Variants in FBXO11 observed in about 807,000 individuals in gnomAD.
The protein encoded by FBXO11 is F-box protein 11, also known as F-box only protein 11.
FBXO11 carries 13 observed loss-of-function variants against 117.0 expected under a neutral mutation model. The ratio of observed to expected loss-of-function variants is 0.11; its 90% CI spans 0.07 to 0.18. The LOEUF (loss-of-function observed/expected upper bound fraction) is 0.18. Ranked by LOEUF, FBXO11 falls within the 10% of genes least tolerant of loss-of-function variation. The pLI, the probability that FBXO11 is intolerant of heterozygous loss-of-function variation, is 1.00. For synonymous variants in FBXO11, 490 were observed against 380.5 expected, an observed-to-expected ratio of 1.29 and a Z score of -3.35; for missense variants, 767 against 1,164.4, an observed-to-expected ratio of 0.66 and a Z score of 4.97.
chr2:47,904,262 C>A (rs1191311520), intron 1 of FBXO11, among the ~76,000 whole-genome samples: 1 of 152,126 alleles, frequency 6.6e-6, no homozygotes, highest in Non-Finnish European at 1.5e-5. Context: ...CAAAATGTCT[C>A]CTAACAATTC....
At chr2:47,844,029 C>T (rs1673216464) in intron 1 of FBXO11, among the ~76,000 whole-genome samples, 1 of 152,232 alleles carries the variant, frequency 6.6e-6, no homozygotes, top group African/African-American at 2.4e-5. Context: ...GCATGAGCCA[C>T]TGTGCCTGGC....
Position 47,809,634 on chromosome 2 carries a change from T to C in FBXO11, c.2412A>G (p.Leu804=). 1 of 1,613,524 alleles carries C rather than the reference T, an allele frequency of 6.2e-7. No homozygotes were observed. The highest frequency in any genetic ancestry group is 8.5e-7 in the Non-Finnish European group (1 of 1,179,764). ...TCACATTAACACCAGATGCTAAAAA[T>C]AAGCCTCCAAACCGGTTGTTAAAAA... The part of the protein sequence containing the change: ...NQIFNNRFGG[L]FLASGVNVTM... Residue 804 remains leucine, a synonymous_variant, in exon 20 of 23, where the codon TTA becomes TTG. Transcript: ENST00000403359.
At chr2:47,899,330 G>A (rs534916608) in intron 1 of FBXO11, among the ~76,000 whole-genome samples, 76 of 151,374 alleles carry the variant, frequency 5.0e-4, no homozygotes, top group South Asian at 2.7e-3. Context: ...GTTTCTCTGA[G>A]GTTGTAACAA....
chr2:47,850,099 T>C (rs371664789), intron 1 of FBXO11, among the ~76,000 whole-genome samples: 1 of 151,996 alleles, frequency 6.6e-6, no homozygotes, highest in African/African-American at 2.4e-5. Context: ...GTAATAAATA[T>C]GGAAGAAATG....
chr2:47,808,303 A>G (rs377031393), intron 22 of FBXO11, 26 bp downstream of exon 22: 3 of 1,612,472 alleles, frequency 1.9e-6, no homozygotes, highest in Non-Finnish European at 2.5e-6. Flanking sequence ...TAATTGGGTA[A>G]TATATCAAGC....
rs368269887 is a variant in FBXO11, at chr2:47,836,027, T to C, written c.588-26A>G. On this transcript the variant is annotated intron_variant, in intron 4 of 22. Transcript: ENST00000403359. ...CTGAACAGAGAAAGGAATTAAAATT[T>C]TCTTGATAAAATGTCCTTTAGATTA... 76 of 1,533,250 alleles carry C rather than the reference T, an allele frequency of 5.0e-5. No homozygotes were observed. The African/African-American group carries it at 7.8e-4, about 16-fold the overall frequency. The allele number at this position is 1,533,250 out of a possible 1,614,324, so 95.0% of individuals were successfully genotyped here. A position where few individuals can be genotyped will look rare whatever the true frequency, so the allele number is the denominator to read the frequency against.
intron 11 of FBXO11, among the ~76,000 whole-genome samples, chr2:47,832,133 T>C (rs1027757726): frequency 1.3e-5 from 2 of 152,166 alleles, no homozygotes; most frequent in African/African-American, 4.8e-5. Flanking sequence ...ATCACATATA[T>C]TGCCTAAGAA....
intron 18 of FBXO11, among the ~76,000 whole-genome samples, chr2:47,812,445 C>G (rs1168158655): frequency 6.6e-6 from 1 of 152,200 alleles, no homozygotes; most frequent in Non-Finnish European, 1.5e-5. Context: ...CAACACCTTG[C>G]AAATAAACCA....
intron 1 of FBXO11, among the ~76,000 whole-genome samples, chr2:47,892,858 T>C (rs970139074): frequency 1.3e-5 from 2 of 150,446 alleles, no homozygotes; most frequent in East Asian, 3.9e-4. Context: ...TATCTAGGCG[T>C]TTTTTTTTAA....
intron 1 of FBXO11, among the ~76,000 whole-genome samples, chr2:47,862,952 G>C (rs980816592): frequency 1.3e-5 from 2 of 151,666 alleles, no homozygotes; most frequent in African/African-American, 4.8e-5. Flanking sequence ...CTACTTGGGA[G>C]GCTAAGGCAG....
At chr2:47,834,386 G>T (rs192655570) in intron 7 of FBXO11, among the ~76,000 whole-genome samples, 193 bp downstream of exon 7, 47 of 152,034 alleles carry the variant, frequency 3.1e-4, no homozygotes, top group African/African-American at 1.1e-3. Flanking sequence ...CGGGGAGAAA[G>T]AATTTATATA....
At chr2:47,903,220 TTAA>T (rs1678432064) in intron 1 of FBXO11, among the ~76,000 whole-genome samples, 2 of 152,218 alleles carry the variant, frequency 1.3e-5, no homozygotes, top group African/African-American at 4.8e-5. Context: ...CGAATTCATC[TTAA>T]TGTTTTATTC....
chr2:47,835,540 C>A (rs1672490308), intron 5 of FBXO11, among the ~76,000 whole-genome samples: 1 of 152,114 alleles, frequency 6.6e-6, no homozygotes, highest in South Asian at 2.1e-4. Context: ...ACTCTGTCGC[C>A]CAGGCTGGAG....
At chr2:47,850,762 A>T (rs1179701154) in intron 1 of FBXO11, among the ~76,000 whole-genome samples, 1 of 152,214 alleles carries the variant, frequency 6.6e-6, no homozygotes, top group East Asian at 1.9e-4. Context: ...AGAATAGCTT[A>T]AATTTTAATT....
intron 1 of FBXO11, among the ~76,000 whole-genome samples, chr2:47,843,245 A>C (rs1377238916): frequency 6.6e-6 from 1 of 152,216 alleles, no homozygotes; most frequent in Non-Finnish European, 1.5e-5. Flanking sequence ...TGTGTGCTTG[A>C]AAGGAACATC....
At chr2:47,835,734 G>A (rs184691462) in intron 5 of FBXO11, 138 bp downstream of exon 5, 105 of 494,548 alleles carry the variant, frequency 2.1e-4, no homozygotes, top group African/African-American at 2.0e-3. Flanking sequence ...CTGACCTCAG[G>A]TAATCCTCCT....
chr2:47,818,677 G>C (rs769763882), intron 16 of FBXO11, 102 bp downstream of exon 16: 1 of 722,430 alleles, frequency 1.4e-6, no homozygotes, highest in African/African-American at 1.8e-5. Context: ...ATATACAATA[G>C]GGGGATAAAG....
intron 1 of FBXO11, among the ~76,000 whole-genome samples, chr2:47,867,023 T>C (rs77417475): frequency 6.6e-6 from 1 of 152,318 alleles, no homozygotes; most frequent in East Asian, 1.9e-4. Flanking sequence ...TCACAACTTA[T>C]AAATAAGCTA....
intron 7 of FBXO11, 30 bp from the exon 8 acceptor site, chr2:47,833,100 C>T (rs768535063): frequency 2.0e-6 from 3 of 1,466,352 alleles, no homozygotes; most frequent in Non-Finnish European, 2.9e-6. Flanking sequence ...AAGAATATTA[C>T]CTTTATTCGA....
Sources: gnomAD v4.1 joint callset for allele counts (sites outside exome capture counted in the v4.1 genomes callset) on GRCh38, gnomAD v4.1.1 for gene constraint, MANE v1.5 for transcripts, NCBI Gene and HGNC (gene_info 2026-07-23, HGNC 2026-07-21) for gene names.